MYO5B: variants seen among roughly 807,000 people sequenced by gnomAD.
The protein encoded by MYO5B is unconventional myosin-Vb.
MYO5B carries 143 observed loss-of-function variants against 229.3 expected under a neutral mutation model. That is an observed-to-expected ratio of 0.62 (90% CI 0.54 to 0.72). The LOEUF is 0.72. Among genes scored for constraint, MYO5B ranks in the 30% least tolerant of loss-of-function variants. MYO5B has a pLI of 0.00. For missense variants in MYO5B, 2,321 were observed against 2,331.0 expected (o/e 1.00, Z 0.09); for synonymous variants, 918 against 885.2 (o/e 1.04, Z -0.66).
chr18:50,172,755 C>A (rs930558900), intron 1 of MYO5B, among the ~76,000 whole-genome samples: 6 of 152,154 alleles, frequency 3.9e-5, no homozygotes, highest in Non-Finnish European at 7.3e-5. Flanking sequence ...GTGAGGAAGA[C>A]AAGCAAACAA....
At chr18:50,192,326 G>C (rs1004166133) in intron 1 of MYO5B, among the ~76,000 whole-genome samples, 3 of 152,216 alleles carry the variant, frequency 2.0e-5, no homozygotes, top group Admixed American at 1.3e-4. Flanking sequence ...TCTTTGAATT[G>C]TAACGGGATG....
chr18:49,990,078 A>G (rs925432895), intron 7 of MYO5B, among the ~76,000 whole-genome samples: 65 of 152,226 alleles, frequency 4.3e-4, no homozygotes, highest in African/African-American at 1.5e-3. Flanking sequence ...TTATGATTAT[A>G]TGATGTATAT....
At chr18:50,143,331 A>G (rs945187724) in intron 1 of MYO5B, among the ~76,000 whole-genome samples, 3 of 152,246 alleles carry the variant, frequency 2.0e-5, no homozygotes, top group Non-Finnish European at 4.4e-5. Context: ...GTAGAATAAA[A>G]TAGGCTTCTT....
intron 4 of MYO5B, among the ~76,000 whole-genome samples, chr18:50,033,115 T>C (rs756335236): frequency 1.3e-5 from 2 of 152,230 alleles, no homozygotes; most frequent in East Asian, 1.9e-4. Context: ...GTTGCACCAA[T>C]TGACATTCCC....
intron 17 of MYO5B, among the ~76,000 whole-genome samples, chr18:49,925,751 T>C (rs1202415785): frequency 1.3e-5 from 2 of 152,194 alleles, no homozygotes; most frequent in African/African-American, 2.4e-5. Context: ...GCTCCGCAGC[T>C]CCCTAAGGTC....
At chr18:49,937,031 G>C (rs987036021) in intron 15 of MYO5B, among the ~76,000 whole-genome samples, 1 of 152,176 alleles carries the variant, frequency 6.6e-6, no homozygotes, top group African/African-American at 2.4e-5. Context: ...TGGAGGCTAC[G>C]GTCGGCCCCT....
rs1214513414 is a variant in MYO5B at position 49,826,180 on chromosome 18, C to T, written c.*291G>A. The T allele has an allele frequency of 7.6e-6, 3 of 395,920 alleles. No individual in the cohort carries two copies. The highest frequency in any genetic ancestry group is 9.4e-6 in the Non-Finnish European group (2 of 211,734). The allele number at this position is 395,920 out of a possible 1,614,324, so 24.5% of individuals were successfully genotyped here. A position where few individuals can be genotyped will look rare whatever the true frequency, so the allele number is the denominator to read the frequency against. The stretch of plus-strand genomic sequence containing the variant: ...GCAGCTTCGTTTTATAGAATTGACA[C>T]CTTTTATATGTCTATGGGGACTGCT... On this transcript the variant is annotated 3_prime_UTR_variant, in exon 40 of 40. Coordinates refer to ENST00000285039, the MANE Select transcript of MYO5B (RefSeq NM_001080467.3).
At chr18:49,919,206 A>G (rs2025049194) in intron 17 of MYO5B, among the ~76,000 whole-genome samples, 1 of 152,250 alleles carries the variant, frequency 6.6e-6, no homozygotes, top group African/African-American at 2.4e-5. Flanking sequence ...TCAAAGTCCT[A>G]AAACAGTAAA....
intron 14 of MYO5B, among the ~76,000 whole-genome samples, chr18:49,942,542 A>C (rs1164803642): frequency 3.9e-5 from 6 of 152,086 alleles, no homozygotes; most frequent in South Asian, 2.1e-4. Flanking sequence ...ACCCCATCAA[A>C]AAGTGGGCGC....
chr18:50,194,193 C>A (rs1280977063), intron 1 of MYO5B, among the ~76,000 whole-genome samples: 1 of 152,266 alleles, frequency 6.6e-6, no homozygotes. Context: ...ATCCAGCCGC[C>A]GCGCCCTCAC....
chr18:50,136,100 A>G (rs2032330330), intron 1 of MYO5B, among the ~76,000 whole-genome samples: 1 of 152,232 alleles, frequency 6.6e-6, no homozygotes, highest in Non-Finnish European at 1.5e-5. Context: ...TCTGTCACGC[A>G]TACAGCTTTG....
intron 2 of MYO5B, among the ~76,000 whole-genome samples, chr18:50,044,520 G>T (rs2030165224): frequency 6.6e-6 from 1 of 151,888 alleles, no homozygotes; most frequent in East Asian, 1.9e-4. Flanking sequence ...CTGCAACTAG[G>T]AGCTGGGAAT....
intron 1 of MYO5B, among the ~76,000 whole-genome samples, chr18:50,189,099 C>T (rs1014330153): frequency 1.3e-5 from 2 of 152,168 alleles, no homozygotes; most frequent in Non-Finnish European, 2.9e-5. Context: ...ACACAACCTC[C>T]ATGCTTCTTT....
rs570064963 is a variant in MYO5B, at chr18:49,957,218, A to G, written c.1546-2783T>C. 1.6e-3 allele frequency among the ~76,000 whole-genome samples: 214 copies of G among 135,308 alleles called. 1 individual carries two copies. Among genetic ancestry groups the G allele is most frequent in the Non-Finnish European group, 2.8e-3 (177 of 64,050 alleles). 88.8% of individuals were successfully genotyped at this position (135,308 alleles called of 152,430 possible). On this transcript the variant is annotated intron_variant, in intron 12 of 39. Transcript: ENST00000285039. ...TTCTGGGCTCCCTGAGCCCCTCTCA[A>G]TGTTCCCTGTGGATCTCTAAACAGA...
At chr18:50,101,838 G>A (rs573435925) in intron 1 of MYO5B, among the ~76,000 whole-genome samples, 120 of 152,282 alleles carry the variant, frequency 7.9e-4, no homozygotes, top group African/African-American at 2.8e-3. Flanking sequence ...ATTCCTCAAG[G>A]ATCTAGAACC....
intron 22 of MYO5B, among the ~76,000 whole-genome samples, chr18:49,890,916 C>G (rs115797954): frequency 2.0e-5 from 3 of 152,184 alleles, no homozygotes; most frequent in Non-Finnish European, 2.9e-5. Flanking sequence ...GATAGTAAGA[C>G]AACTTTGAAA....
intron 27 of MYO5B, among the ~76,000 whole-genome samples, chr18:49,871,938 CTGAAATTATATTGGGTAGGTTA>C (rs1407731250): frequency 1.3e-5 from 2 of 152,198 alleles, no homozygotes; most frequent in African/African-American, 4.8e-5. Flanking sequence ...CATATTTTAA[CTGAAATTATATTGGGTAGGTTA>C]TGTATTTATT....
chr18:50,151,884 C>T (rs551890012), intron 1 of MYO5B, among the ~76,000 whole-genome samples: 2 of 152,214 alleles, frequency 1.3e-5, no homozygotes, highest in East Asian at 3.9e-4. Flanking sequence ...TCACACCACT[C>T]CTGGGTTCCA....
At chr18:50,016,029 G>GCC (rs1852303384) in intron 4 of MYO5B, among the ~76,000 whole-genome samples, 1 of 152,156 alleles carries the variant, frequency 6.6e-6, no homozygotes, top group Admixed American at 6.5e-5. Flanking sequence ...ATTTTGCAGA[G>GCC]CCATCTTACA....
Sources: allele counts gnomAD v4.1 joint callset (sites outside exome capture counted in the v4.1 genomes callset), GRCh38; gene constraint gnomAD v4.1.1; transcripts MANE v1.5; gene names NCBI Gene and HGNC (gene_info 2026-07-23, HGNC 2026-07-21).